CEP41: variants seen among roughly 807,000 people sequenced by gnomAD.
CEP41 encodes the protein centrosomal protein of 41 kDa.
In CEP41, 32 loss-of-function variants were observed where a neutral mutation model predicts 44.3. The ratio of observed to expected loss-of-function variants is 0.72; its 90% confidence interval spans 0.54 to 0.97. CEP41 has a LOEUF of 0.97. Among genes scored for constraint, CEP41 ranks in the 50% least tolerant of loss-of-function variants. The pLI, the probability that CEP41 is intolerant of heterozygous loss-of-function variation, is 0.00. For synonymous variants in CEP41, 151 were observed against 168.5 expected (o/e 0.90, Z 0.80); for missense variants, 432 against 455.2 (o/e 0.95, Z 0.46).
intron 6 of CEP41, 83 bp from the exon 7 acceptor site, chr7:130,402,882 G>A (rs1796896437): frequency 2.9e-6 from 4 of 1,386,658 alleles, no homozygotes; most frequent in Admixed American, 3.3e-5. Flanking sequence ...GAATAGTGAG[G>A]TGAGTGCTCA....
At chr7:130,438,692 C>A (rs1353154243) in intron 1 of CEP41, among the ~76,000 whole-genome samples, 1 of 152,180 alleles carries the variant, frequency 6.6e-6, no homozygotes, top group Non-Finnish European at 1.5e-5. Flanking sequence ...CATGTCACTC[C>A]TTTAATAACT....
chr7:130,414,853 T>C (rs1554420540), intron 3 of CEP41, among the ~76,000 whole-genome samples: 1 of 152,264 alleles, frequency 6.6e-6, no homozygotes, highest in Non-Finnish European at 1.5e-5. Flanking sequence ...AGAATGGAGC[T>C]TCTGCTATGT....
rs782016580 is a variant in CEP41 at position 130,396,105 on chromosome 7, T to G, written c.*2786A>C. ...TTCTTTCTCCCTTCCTTTCTTTTTTTCTTTTCTCCCTTCCTTAAACACAAA... is the reference window on the plus strand; with the variant it reads ...TTCTTTCTCCCTTCCTTTCTTTTTTGCTTTTCTCCCTTCCTTAAACACAAA... On this transcript the variant is annotated 3_prime_UTR_variant, in exon 11 of 11. Coordinates refer to ENST00000223208, the MANE Select transcript of CEP41 (RefSeq NM_018718.3). The G allele has an allele frequency of 9.5e-5, 43 of 453,970 alleles. No homozygotes were observed. Among genetic ancestry groups the G allele is most frequent in the African/African-American group, 1.6e-4 (8 of 49,986 alleles). The allele number at this position is 453,970 out of a possible 1,614,324, so 28.1% of individuals were successfully genotyped here.
chr7:130,440,820 G>A (rs1279237422), intron 1 of CEP41, 114 bp downstream of exon 1: 25 of 311,074 alleles, frequency 8.0e-5, no homozygotes, highest in East Asian at 2.7e-4. Context: ...TCCTCACGCC[G>A]GCCCCTTCCC....
intron 1 of CEP41, among the ~76,000 whole-genome samples, chr7:130,437,764 C>CAAAAAAAAAAAAAAAAA (rs1171735164): frequency 6.2e-4 from 20 of 32,380 alleles, no homozygotes; most frequent in East Asian, 4.5e-3. Flanking sequence ...AAGACTGTCT[C>CAAAAAAAAAAAAAAAAA]AAAAAAAAAA....
chr7:130,401,595 C>G (rs1246110708), intron 8 of CEP41, among the ~76,000 whole-genome samples: 1 of 151,966 alleles, frequency 6.6e-6, no homozygotes, highest in Non-Finnish European at 1.5e-5. Flanking sequence ...ACCCTAAGTT[C>G]TGCTATGGAA....
At chr7:130,427,777 G>T (rs1297202937) in intron 2 of CEP41, among the ~76,000 whole-genome samples, 178 bp downstream of exon 2, 2 of 152,116 alleles carry the variant, frequency 1.3e-5, no homozygotes, top group Admixed American at 6.5e-5. Context: ...ATGTAAATAT[G>T]AATTTTTACT....
rs1475839463 is a variant in CEP41 at position 130,440,641 on chromosome 7, G to A, written c.33+293C>T. ...TTTTCTGTTTTGTAACTGTCACTCC[G>A]AGACTGTAAGCCATTTGAGGGCAAG... On this transcript the variant is annotated intron_variant, in intron 1 of 10. Transcript: ENST00000223208. 6 of 579,718 alleles carry A rather than the reference G, an allele frequency of 1.0e-5. No individual in the cohort carries two copies. In the Admixed American group the frequency reaches 1.2e-4, roughly 12 times the overall value. The allele number at this position is 579,718 out of a possible 1,614,324, so 35.9% of individuals were successfully genotyped here.
intron 3 of CEP41, among the ~76,000 whole-genome samples, chr7:130,415,958 A>C (rs2117623065): frequency 6.6e-6 from 1 of 152,394 alleles, no homozygotes; most frequent in East Asian, 1.9e-4. Context: ...CTTATAGCTG[A>C]ACATGGCAAA....
upstream of CEP41, chr7:130,441,140 A>T (rs1171291472): frequency 1.3e-6 from 1 of 743,182 alleles, no homozygotes; most frequent in East Asian, 2.7e-5. Flanking sequence ...AGGGTCGCAG[A>T]AGGGCAAGAC....
At chr7:130,437,590 G>C (rs1554426396) in intron 1 of CEP41, among the ~76,000 whole-genome samples, 1 of 131,530 alleles carries the variant, frequency 7.6e-6, no homozygotes, top group Admixed American at 7.5e-5. Context: ...GGGCAACATA[G>C]GGAGACCCCA....
rs886061991 is a variant in CEP41, at chr7:130,395,847, T to G, written c.*3044A>C. 4.4e-6 allele frequency: 2 copies of G among 451,626 alleles called. No individual in the cohort carries two copies. Among genetic ancestry groups the G allele is most frequent in the Non-Finnish European group, 8.8e-6 (2 of 226,380 alleles). The allele number at this position is 451,626 out of a possible 1,614,324, so 28.0% of individuals were successfully genotyped here. On this transcript the variant is annotated 3_prime_UTR_variant, in exon 11 of 11. Coordinates refer to ENST00000223208, the MANE Select transcript of CEP41 (RefSeq NM_018718.3). ...ATTCGGATTTATACCAAGCCCAATA[T>G]GATCGTGCTGGTCCTGGCTAACCAC... is the stretch of plus-strand genomic sequence containing the variant.
chr7:130,420,658 G>A (rs1554422006), intron 2 of CEP41: 1 of 153,360 alleles, frequency 6.5e-6, no homozygotes, highest in Non-Finnish European at 1.4e-5. Context: ...TGTAGTCCCA[G>A]CTACTCAGGA....
intron 1 of CEP41, among the ~76,000 whole-genome samples, chr7:130,428,317 G>A (rs940004576): frequency 7.9e-5 from 12 of 151,442 alleles, no homozygotes; most frequent in Admixed American, 3.3e-4. Context: ...CCAGCTACTC[G>A]GGAGGCCGAG....
intron 5 of CEP41, among the ~76,000 whole-genome samples, chr7:130,409,046 T>C (rs1297447888): frequency 1.3e-5 from 2 of 152,200 alleles, no homozygotes; most frequent in South Asian, 2.1e-4. Context: ...TAGACAGTGA[T>C]TATTAGTTAT....
intron 1 of CEP41, chr7:130,440,504 G>A: frequency 2.9e-6 from 1 of 343,890 alleles, no homozygotes; most frequent in Non-Finnish European, 5.5e-6. Flanking sequence ...GTCCTATTTT[G>A]CCCGTTTTCC....
intron 1 of CEP41, among the ~76,000 whole-genome samples, chr7:130,439,390 A>T (rs1260985917): frequency 6.6e-6 from 1 of 151,306 alleles, no homozygotes; most frequent in Admixed American, 6.6e-5. Context: ...TTGTACATGG[A>T]TTTTCTACTG....
intron 1 of CEP41, among the ~76,000 whole-genome samples, chr7:130,434,893 A>G (rs963606271): frequency 1.3e-5 from 2 of 152,190 alleles, no homozygotes; most frequent in Non-Finnish European, 2.9e-5. Flanking sequence ...TAATCAAATC[A>G]TATCAGTCCA....
intron 2 of CEP41, among the ~76,000 whole-genome samples, chr7:130,424,301 G>A (rs1797596076): frequency 6.6e-6 from 1 of 151,846 alleles, no homozygotes; most frequent in Non-Finnish European, 1.5e-5. Context: ...TTGGGAGGCT[G>A]AGGTGGGAGA....
Sources: gnomAD v4.1 joint callset for allele counts (sites outside exome capture counted in the v4.1 genomes callset) on GRCh38, gnomAD v4.1.1 for gene constraint, MANE v1.5 for transcripts, NCBI Gene and HGNC (gene_info 2026-07-23, HGNC 2026-07-21) for gene names.